Variants in CACNA1A observed in about 807,000 individuals in gnomAD.
The protein encoded by CACNA1A is voltage-dependent P/Q-type calcium channel subunit alpha-1A.
Under a neutral mutation model 262.4 loss-of-function variants are expected in CACNA1A, and 57 were observed. The ratio of observed to expected loss-of-function variants is 0.22; its 90% CI spans 0.18 to 0.27. The LOEUF is 0.27. Among genes scored for constraint, CACNA1A ranks in the 10% least tolerant of loss-of-function variants. The probability of loss-of-function intolerance (pLI) is 1.00; values close to 1 mark genes in which losing one functional copy is unlikely to be tolerated. For synonymous variants in CACNA1A, 1,431 were observed against 1,419.3 expected, an observed-to-expected ratio of 1.01 and a Z score of -0.18; for missense variants, 2,526 against 3,562.8, an observed-to-expected ratio of 0.71 and a Z score of 7.41.
At position 13,255,112 on chromosome 19, in the gene CACNA1A, T is replaced by C. The variant is rs763708646; in HGVS notation, c.4738A>G (p.Ile1580Val). 3.1e-6 allele frequency: 5 copies of C among 1,613,594 alleles called. No individual in the cohort carries two copies. The highest frequency in any genetic ancestry group is 2.2e-5 in the South Asian group (2 of 91,070). Residue 1580 changes from isoleucine to valine, a missense_variant, in exon 29 of 47, where the codon ATC becomes GTC. Around this residue, in one of 17 missense-constraint regions of CACNA1A, gnomAD observed 66 missense variants for 195.8 expected, o/e 0.34. Coordinates refer to ENST00000360228, the MANE Select transcript of CACNA1A (RefSeq NM_001127222.2). Reference protein sequence around the residue: ...TIMAMIALNTIVLMMKFYGAS... With the variant: ...TIMAMIALNTVVLMMKFYGAS... ...GCACTTACCTTCATCATAAGCACGA[T>C]GGTGTTGAGGGCGATCATGGCCATG...
chr19:13,420,444 G>A (rs1414573696), intron 3 of CACNA1A, among the ~76,000 whole-genome samples: 1 of 152,112 alleles, frequency 6.6e-6, no homozygotes, highest in Non-Finnish European at 1.5e-5. Context: ...CCTGGATTTA[G>A]AGTAAGCCCT....
intron 30 of CACNA1A, among the ~76,000 whole-genome samples, chr19:13,251,376 G>A (rs1399645411): frequency 6.6e-6 from 1 of 151,420 alleles, no homozygotes; most frequent in African/African-American, 2.4e-5. Flanking sequence ...CCAGCTACTC[G>A]GGAGGCTGAG....
chr19:13,314,360 G>A (rs930987927), intron 11 of CACNA1A, among the ~76,000 whole-genome samples: 3 of 152,160 alleles, frequency 2.0e-5, no homozygotes, highest in South Asian at 4.1e-4. Flanking sequence ...CAAAATTCAC[G>A]TTGAAACTTA....
chr19:13,289,322 C>A (rs2057480657), intron 19 of CACNA1A, among the ~76,000 whole-genome samples: 1 of 151,652 alleles, frequency 6.6e-6, no homozygotes, highest in Non-Finnish European at 1.5e-5. Flanking sequence ...TTTAATTTTT[C>A]TTTTTGTAGA....
chr19:13,294,724 G>A (rs1172209141), intron 19 of CACNA1A, among the ~76,000 whole-genome samples: 2 of 151,892 alleles, frequency 1.3e-5, no homozygotes, highest in Non-Finnish European at 2.9e-5. Flanking sequence ...CCTGACCTCA[G>A]GTGATCCACC....
At chr19:13,415,235 G>A (rs1196832536) in intron 3 of CACNA1A, among the ~76,000 whole-genome samples, 1 of 151,880 alleles carries the variant, frequency 6.6e-6, no homozygotes, top group African/African-American at 2.4e-5. Context: ...TGTGTGCGGC[G>A]CGGAATAGAG....
At chr19:13,346,564 CAAGGGAGA>C (rs2058765963) in intron 6 of CACNA1A, among the ~76,000 whole-genome samples, 1 of 134,014 alleles carries the variant, frequency 7.5e-6, no homozygotes, top group Admixed American at 7.8e-5. Flanking sequence ...TGACATTCAC[CAAGGGAGA>C]GAAGGAGAGA....
chr19:13,306,579 G>A (rs913121398), intron 15 of CACNA1A: 2 of 152,208 alleles, frequency 1.3e-5, no homozygotes, highest in Non-Finnish European at 2.9e-5. Context: ...TGACTCTGGA[G>A]GGACTGCCCG....
At chr19:13,253,143 G>T in intron 29 of CACNA1A, 42 bp from the exon 30 acceptor site, 1 of 1,307,596 alleles carries the variant, frequency 7.6e-7, no homozygotes, top group African/African-American at 1.4e-5. Context: ...AGCGAGCAGG[G>T]GTGGGAAGTG....
In CACNA1A at chr19:13,234,457, C is replaced by T. The variant is rs2055796344; in HGVS notation, c.5249+464G>A. 2.0e-5 allele frequency among the ~76,000 whole-genome samples: 3 copies of T among 151,650 alleles called. 1 individual carries two copies. The South Asian group carries it at 6.2e-4, about 31-fold the overall frequency. On this transcript the variant is annotated intron_variant, in intron 34 of 46. Coordinates refer to ENST00000360228, the MANE Select transcript of CACNA1A (RefSeq NM_001127222.2). ...TGATGAACCAAAGAATCAAGCCTCA[C>T]GGTCTGTAAGCCTGTTTTCTTATTT... is the stretch of plus-strand genomic sequence containing the variant.
At chr19:13,428,908 G>A (rs1169724749) in intron 3 of CACNA1A, among the ~76,000 whole-genome samples, 2 of 152,088 alleles carry the variant, frequency 1.3e-5, no homozygotes, top group East Asian at 3.9e-4. Context: ...CATAAAAGGA[G>A]GAAAACAACA....
intron 38 of CACNA1A, among the ~76,000 whole-genome samples, chr19:13,221,907 A>G (rs776770904): frequency 4.6e-5 from 7 of 151,470 alleles, no homozygotes; most frequent in Non-Finnish European, 8.8e-5. Flanking sequence ...GGTATTTTTT[A>G]TTTTTATTTT....
At position 13,347,059 on chromosome 19, in the gene CACNA1A, G is replaced by GT. The variant is rs1207564258; in HGVS notation, c.979-11151dup. On this transcript the variant is annotated intron_variant, in intron 6 of 46. Coordinates refer to ENST00000360228, the MANE Select transcript of CACNA1A (RefSeq NM_001127222.2). The stretch of plus-strand genomic sequence containing the variant: ...TTGTTCCTTCAGGTCTGTTTTTTTT[G>GT]TTTTTTTGTTTTTTTTTTTTGAGAC... Among the ~76,000 whole-genome samples the GT allele has an allele frequency of 5.1e-3, 295 of 58,408 alleles. 6 individuals carry two copies. Among genetic ancestry groups the GT allele is most frequent in the African/African-American group, 0.014 (273 of 19,164 alleles). The allele number at this position is 58,408 out of a possible 152,430, so 38.3% of individuals were successfully genotyped here. A position where few individuals can be genotyped will look rare whatever the true frequency, so the allele number is the denominator to read the frequency against.
intron 3 of CACNA1A, chr19:13,451,536 G>A (rs1486143590): frequency 1.3e-5 from 2 of 152,184 alleles, no homozygotes; most frequent in African/African-American, 2.4e-5. Context: ...CAGACTAGTA[G>A]GTCATTCTCC....
At chr19:13,390,307 T>C (rs191220483) in intron 3 of CACNA1A, among the ~76,000 whole-genome samples, 4 of 152,240 alleles carry the variant, frequency 2.6e-5, no homozygotes, top group Non-Finnish European at 2.9e-5. Context: ...AGAGATGAGG[T>C]CTCTCTGTTT....
intron 3 of CACNA1A, among the ~76,000 whole-genome samples, chr19:13,413,294 G>T (rs1397204659): frequency 6.6e-6 from 1 of 151,488 alleles, no homozygotes; most frequent in African/African-American, 2.4e-5. Flanking sequence ...TTTCAGTAGA[G>T]ATGGGGTTTC....
chr19:13,293,155 A>C (rs1183585777), intron 19 of CACNA1A, among the ~76,000 whole-genome samples: 1 of 152,146 alleles, frequency 6.6e-6, no homozygotes, highest in Non-Finnish European at 1.5e-5. Flanking sequence ...ATTAGCTGAC[A>C]CTTCCTGAGT....
At chr19:13,245,500 G>C in intron 30 of CACNA1A, 1 of 547,558 alleles carries the variant, frequency 1.8e-6, no homozygotes, top group Non-Finnish European at 3.3e-6. Flanking sequence ...GGGGCCTCCA[G>C]ACCCTGCTTC....
Position 13,206,942 on chromosome 19 carries a change from A to ATGTT in CACNA1A, c.*367_*370dup, listed in dbSNP as rs549843931. The stretch of plus-strand genomic sequence containing the variant: ...TTTCTCCCCGTTTTTTCTTTTAAAA[A>ATGTT]TGTTTTTTTTTTTTTTTTTTTTTTT... On this transcript the variant is annotated 3_prime_UTR_variant, in exon 47 of 47. Transcript: ENST00000360228. 3 of 76,076 alleles carry ATGTT rather than the reference A, an allele frequency of 3.9e-5. No individual in the cohort carries two copies. The highest frequency in any genetic ancestry group is 7.6e-5 in the Non-Finnish European group (3 of 39,244). 4.7% of individuals were successfully genotyped at this position (76,076 alleles called of 1,614,324 possible). A position where few individuals can be genotyped will look rare whatever the true frequency, so the allele number is the denominator to read the frequency against.
Sources: allele counts gnomAD v4.1 joint callset (sites outside exome capture counted in the v4.1 genomes callset), GRCh38; gene constraint gnomAD v4.1.1; regional missense constraint gnomAD v4.1.1; transcripts MANE v1.5; gene names NCBI Gene and HGNC (gene_info 2026-07-23, HGNC 2026-07-21).